Variants in NPAS3 observed in about 807,000 individuals in gnomAD.
NPAS3 encodes the protein neuronal PAS domain-containing protein 3.
In NPAS3, 14 loss-of-function variants were observed where a neutral mutation model predicts 73.1. The ratio of observed to expected loss-of-function variants is 0.19; its 90% CI spans 0.13 to 0.30. NPAS3 has a LOEUF of 0.30. Ranked by LOEUF, NPAS3 falls within the 10% of genes least tolerant of loss-of-function variation. The probability of loss-of-function intolerance (pLI) is 1.00; values close to 1 mark genes in which losing one functional copy is unlikely to be tolerated. For synonymous variants in NPAS3, 620 were observed against 541.5 expected, an observed-to-expected ratio of 1.14 and a Z score of -2.01; for missense variants, 1,096 against 1,250.0, an observed-to-expected ratio of 0.88 and a Z score of 1.86.
At chr14:33,603,673 A>G (rs1279952262) in intron 5 of NPAS3, among the ~76,000 whole-genome samples, 2 of 152,198 alleles carry the variant, frequency 1.3e-5, no homozygotes, top group Non-Finnish European at 2.9e-5. Context: ...AAAGAAAAAC[A>G]TTCTTAACCT....
chr14:33,313,381 A>T (rs1054419282), intron 3 of NPAS3, among the ~76,000 whole-genome samples: 5 of 152,022 alleles, frequency 3.3e-5, no homozygotes, highest in African/African-American at 1.2e-4. Context: ...ATCTAAAGTG[A>T]TCCTCTAAGA....
At chr14:33,399,672 C>CAA (rs2047369322) in intron 4 of NPAS3, among the ~76,000 whole-genome samples, 1 of 142,718 alleles carries the variant, frequency 7.0e-6, no homozygotes, top group Non-Finnish European at 1.5e-5. Flanking sequence ...TTTTTTTTTT[C>CAA]TTTATGCCAC....
chr14:33,239,472 A>C (rs1310332943), intron 3 of NPAS3, among the ~76,000 whole-genome samples: 1 of 151,876 alleles, frequency 6.6e-6, no homozygotes, highest in Non-Finnish European at 1.5e-5. Flanking sequence ...ATTCATTGTC[A>C]TTTGACTCAT....
intron 2 of NPAS3, among the ~76,000 whole-genome samples, chr14:33,070,689 A>G (rs2041455867): frequency 6.6e-6 from 1 of 152,200 alleles, no homozygotes; most frequent in South Asian, 2.1e-4. Context: ...CTGGTTTGAA[A>G]GCTGAGATTG....
chr14:33,332,027 AT>A (rs1426131526), intron 3 of NPAS3, among the ~76,000 whole-genome samples: 2 of 152,178 alleles, frequency 1.3e-5, no homozygotes, highest in African/African-American at 2.4e-5. Context: ...GCTGCTGAAA[AT>A]TTTTTAGCCT....
At chr14:33,622,311 T>TA (rs200658326) in intron 5 of NPAS3, among the ~76,000 whole-genome samples, 4,881 of 142,056 alleles carry the variant, frequency 0.034, 118 homozygotes, top group East Asian at 0.16. Flanking sequence ...AAATAAACCC[T>TA]AAAAAAAAAA....
chr14:33,405,352 C>A (rs993190419), intron 4 of NPAS3, among the ~76,000 whole-genome samples: 2 of 152,050 alleles, frequency 1.3e-5, no homozygotes. Context: ...AGCAGTGATG[C>A]AATTTATGAG....
At chr14:33,381,067 A>G (rs2046529350) in intron 4 of NPAS3, among the ~76,000 whole-genome samples, 1 of 152,072 alleles carries the variant, frequency 6.6e-6, no homozygotes, top group Non-Finnish European at 1.5e-5. Flanking sequence ...TGATAATATC[A>G]ATGACTATTT....
chr14:33,361,685 G>C (rs559590264), intron 3 of NPAS3, among the ~76,000 whole-genome samples: 61 of 152,128 alleles, frequency 4.0e-4, no homozygotes, highest in African/African-American at 1.4e-3. Context: ...TTGCATTATT[G>C]GATTAAATAT....
At chr14:33,062,399 G>A (rs927016368) in intron 2 of NPAS3, among the ~76,000 whole-genome samples, 3 of 151,994 alleles carry the variant, frequency 2.0e-5, no homozygotes, top group African/African-American at 7.3e-5. Flanking sequence ...TGTGAAATCC[G>A]GTTCAGGATC....
At chr14:32,938,051 G>A (rs1485173927), upstream of NPAS3, among the ~76,000 whole-genome samples, 1 of 152,164 alleles carries the variant, frequency 6.6e-6, no homozygotes, top group South Asian at 2.1e-4. Context: ...CCCGGGACCC[G>A]AGTCGGGAGG....
At chr14:33,716,484 A>G (rs369811980) in intron 6 of NPAS3, among the ~76,000 whole-genome samples, 65 of 152,224 alleles carry the variant, frequency 4.3e-4, no homozygotes, top group African/African-American at 1.5e-3. Flanking sequence ...ACATGACATA[A>G]AAGTTATCAT....
chr14:33,571,766 T>G (rs1000825781), intron 5 of NPAS3, among the ~76,000 whole-genome samples: 1 of 152,240 alleles, frequency 6.6e-6, no homozygotes, highest in Non-Finnish European at 1.5e-5. Context: ...TCAAATATTT[T>G]GAAATTAGTT....
intron 6 of NPAS3, among the ~76,000 whole-genome samples, chr14:33,707,799 G>A (rs2060698725): frequency 6.6e-6 from 1 of 152,172 alleles, no homozygotes; most frequent in African/African-American, 2.4e-5. Flanking sequence ...AGGAAAGGCA[G>A]CCCCATAGGT....
intron 4 of NPAS3, among the ~76,000 whole-genome samples, chr14:33,386,438 A>T (rs1159768677): frequency 6.6e-6 from 1 of 152,138 alleles, no homozygotes; most frequent in Non-Finnish European, 1.5e-5. Flanking sequence ...TCCAGCAAGT[A>T]TCTGAAACAG....
chr14:33,472,466 C>G (rs2139620110), intron 4 of NPAS3, among the ~76,000 whole-genome samples: 1 of 152,230 alleles, frequency 6.6e-6, no homozygotes, highest in East Asian at 1.9e-4. Flanking sequence ...TGAATTATAT[C>G]TCAATAAAGC....
At chr14:32,997,914 A>G (rs1048301805) in intron 1 of NPAS3, among the ~76,000 whole-genome samples, 4 of 152,180 alleles carry the variant, frequency 2.6e-5, no homozygotes, top group Admixed American at 2.6e-4. Context: ...AGCAGCATGA[A>G]AGCAAACTAG....
chr14:33,147,587 G>T (rs904251435), intron 2 of NPAS3, among the ~76,000 whole-genome samples: 12 of 151,170 alleles, frequency 7.9e-5, no homozygotes, highest in Non-Finnish European at 1.6e-4. Flanking sequence ...CTGTTGTGGG[G>T]TCGGGGGAGG....
At chr14:33,529,154 T>C (rs1216696245) in intron 4 of NPAS3, among the ~76,000 whole-genome samples, 1 of 152,082 alleles carries the variant, frequency 6.6e-6, no homozygotes, top group Non-Finnish European at 1.5e-5. Flanking sequence ...TTCATCCTTT[T>C]TTGCTCTGGC....
Sources: allele counts gnomAD v4.1 joint callset (sites outside exome capture counted in the v4.1 genomes callset), GRCh38; gene constraint gnomAD v4.1.1; transcripts MANE v1.5; gene names NCBI Gene and HGNC (gene_info 2026-07-23, HGNC 2026-07-21).